The following RBFOX1 variants were observed in gnomAD, a reference collection of about 807,000 sequenced individuals.
The protein encoded by RBFOX1 is RNA binding fox-1 homolog 1, also known as RNA binding protein fox-1 homolog 1.
In RBFOX1, 8 loss-of-function variants were observed where a neutral mutation model predicts 57.7. The ratio of observed to expected loss-of-function variants is 0.14; its 90% CI spans 0.08 to 0.25. The LOEUF (loss-of-function observed/expected upper bound fraction) is 0.25. Among genes scored for constraint, RBFOX1 ranks in the 10% least tolerant of loss-of-function variants. The pLI is 1.00. For synonymous variants in RBFOX1, 326 were observed against 222.4 expected, an observed-to-expected ratio of 1.47 and a Z score of -4.15; for missense variants, 611 against 548.5, an observed-to-expected ratio of 1.11 and a Z score of -1.14.
chr16:5,857,281 A>G (rs2057095646), intron 3 of RBFOX1, among the ~76,000 whole-genome samples: 1 of 152,178 alleles, frequency 6.6e-6, no homozygotes, highest in South Asian at 2.1e-4. Flanking sequence ...GCACTCCAAA[A>G]CAATTACAAT....
At chr16:6,609,027 G>C (rs940198327) in intron 2 of RBFOX1, among the ~76,000 whole-genome samples, 1 of 152,132 alleles carries the variant, frequency 6.6e-6, no homozygotes, top group African/African-American at 2.4e-5. Context: ...TGACCCTTCT[G>C]TCTCCCTCTC....
chr16:5,985,251 C>A (rs980857280), intron 4 of RBFOX1, among the ~76,000 whole-genome samples: 7 of 151,780 alleles, frequency 4.6e-5, no homozygotes, highest in Non-Finnish European at 1.0e-4. Context: ...CTCGGCCTCC[C>A]AAAGTGGTGG....
intron 3 of RBFOX1, among the ~76,000 whole-genome samples, chr16:6,875,303 G>T (rs1043207708): frequency 4.6e-5 from 7 of 152,154 alleles, no homozygotes; most frequent in African/African-American, 1.7e-4. Context: ...TATGGTGGGG[G>T]TGCGTTTTTT....
intron 4 of RBFOX1, among the ~76,000 whole-genome samples, chr16:7,073,183 C>G (rs951250034): frequency 1.3e-5 from 2 of 152,140 alleles, no homozygotes; most frequent in African/African-American, 4.8e-5. Context: ...TATGGGCTGT[C>G]TTTGTAGTCT....
intron 4 of RBFOX1, among the ~76,000 whole-genome samples, chr16:7,466,509 T>G (rs969946896): frequency 2.6e-5 from 4 of 152,150 alleles, no homozygotes; most frequent in Non-Finnish European, 5.9e-5. Context: ...GGAGCCCAGA[T>G]GTGAAGTTTG....
chr16:6,351,119 T>A (rs1442233599), intron 2 of RBFOX1, among the ~76,000 whole-genome samples: 1 of 151,932 alleles, frequency 6.6e-6, no homozygotes, highest in African/African-American at 2.4e-5. Flanking sequence ...ATAAAAGACA[T>A]AATGGAGTCC....
intron 1 of RBFOX1, among the ~76,000 whole-genome samples, chr16:6,195,564 A>G (rs1041068309): frequency 6.6e-6 from 1 of 151,970 alleles, no homozygotes; most frequent in African/African-American, 2.4e-5. Context: ...CTAAAAATAC[A>G]AAAAATTAGC....
intron 3 of RBFOX1, among the ~76,000 whole-genome samples, chr16:7,002,578 G>T (rs909078620): frequency 6.6e-6 from 1 of 152,076 alleles, no homozygotes; most frequent in Non-Finnish European, 1.5e-5. Flanking sequence ...TGGGCGTGGT[G>T]GCATGCACAT....
chr16:6,115,050 A>G (rs1216051941), intron 1 of RBFOX1, among the ~76,000 whole-genome samples: 1 of 152,152 alleles, frequency 6.6e-6, no homozygotes, highest in Non-Finnish European at 1.5e-5. Flanking sequence ...TTGTCATGGA[A>G]AGGGGTAGTA....
chr16:7,101,999 G>A (rs770382457), intron 4 of RBFOX1, among the ~76,000 whole-genome samples: 4 of 152,132 alleles, frequency 2.6e-5, no homozygotes, highest in Non-Finnish European at 4.4e-5. Flanking sequence ...CAAGGGTGCC[G>A]TTTTCCTTAC....
chr16:6,756,175 C>T (rs2075757747), intron 3 of RBFOX1, among the ~76,000 whole-genome samples: 1 of 152,124 alleles, frequency 6.6e-6, no homozygotes, highest in Non-Finnish European at 1.5e-5. Flanking sequence ...TACTGTAGTA[C>T]CATTTACCTA....
chr16:5,768,111 T>A (rs769320943), intron 3 of RBFOX1, among the ~76,000 whole-genome samples: 1 of 152,198 alleles, frequency 6.6e-6, no homozygotes, highest in African/African-American at 2.4e-5. Flanking sequence ...AAATAAACTT[T>A]CATTAAGTCA....
intron 2 of RBFOX1, among the ~76,000 whole-genome samples, chr16:5,492,786 A>C (rs2042876076): frequency 6.6e-6 from 1 of 152,256 alleles, no homozygotes; most frequent in Non-Finnish European, 1.5e-5. Flanking sequence ...AGTCATGAAT[A>C]TCTCACTCTT....
At chr16:7,665,974 G>C (rs1180913374) in intron 13 of RBFOX1, among the ~76,000 whole-genome samples, 1 of 152,142 alleles carries the variant, frequency 6.6e-6, no homozygotes, top group African/African-American at 2.4e-5. Flanking sequence ...ATTGCATCAA[G>C]TATACTTACT....
At chr16:7,656,892 G>A (rs1238545685) in intron 12 of RBFOX1, among the ~76,000 whole-genome samples, 1 of 152,018 alleles carries the variant, frequency 6.6e-6, no homozygotes, top group Admixed American at 6.6e-5. Context: ...AGAAATATGG[G>A]GTATATATAA....
intron 1 of RBFOX1, among the ~76,000 whole-genome samples, chr16:6,026,482 C>T (rs1452605397): frequency 1.3e-5 from 2 of 152,212 alleles, no homozygotes; most frequent in African/African-American, 2.4e-5. Context: ...GAGTCCACAG[C>T]CCCTGATGCT....
intron 3 of RBFOX1, among the ~76,000 whole-genome samples, chr16:6,884,602 A>G (rs926273332): frequency 1.3e-5 from 2 of 152,148 alleles, no homozygotes. Flanking sequence ...ATTAAAAAAC[A>G]AAAAAAACTA....
intron 2 of RBFOX1, among the ~76,000 whole-genome samples, chr16:5,573,821 G>T (rs1346644632): frequency 2.6e-5 from 4 of 152,176 alleles, no homozygotes; most frequent in African/African-American, 9.7e-5. Context: ...GGGTGTGGTG[G>T]CGTGTGCCTG....
At chr16:6,227,475 GT>G (rs986764627) in intron 1 of RBFOX1, among the ~76,000 whole-genome samples, 24 of 151,918 alleles carry the variant, frequency 1.6e-4, no homozygotes, top group Non-Finnish European at 3.4e-4. Flanking sequence ...ATTTCTCAGG[GT>G]TTTTTTTGCA....
Sources: gnomAD v4.1 joint callset for allele counts (sites outside exome capture counted in the v4.1 genomes callset) on GRCh38, gnomAD v4.1.1 for gene constraint, MANE v1.5 for transcripts, NCBI Gene and HGNC (gene_info 2026-07-23, HGNC 2026-07-21) for gene names.